The following RTN1 variants were observed in gnomAD, a reference collection of about 807,000 sequenced individuals.
RTN1 encodes reticulon-1.
Under a neutral mutation model 65.5 loss-of-function variants are expected in RTN1, and 25 were observed. That is an observed-to-expected ratio of 0.38 (90% CI 0.28 to 0.53). The LOEUF (loss-of-function observed/expected upper bound fraction) is 0.53, where lower values mean the gene tolerates loss of function less well. Ranked by LOEUF, RTN1 falls within the 20% of genes least tolerant of loss-of-function variation. The pLI is 0.79. For synonymous variants in RTN1, 471 were observed against 447.6 expected (o/e 1.05, Z -0.66); for missense variants, 983 against 1,025.4 (o/e 0.96, Z 0.57).
chr14:59,745,485 A>G (rs1885197653), intron 2 of RTN1, among the ~76,000 whole-genome samples: 1 of 152,126 alleles, frequency 6.6e-6, no homozygotes, highest in Admixed American at 6.5e-5. Flanking sequence ...TACAAAGAAA[A>G]CCTGATAGGA....
intron 1 of RTN1, among the ~76,000 whole-genome samples, chr14:59,754,581 A>C (rs185595136): frequency 6.6e-6 from 1 of 152,170 alleles, no homozygotes; most frequent in Non-Finnish European, 1.5e-5. Flanking sequence ...ATAAGGCAAT[A>C]ATAACCCCCA....
In RTN1 at chr14:59,706,805, T is replaced by A. The variant is rs76961487; in HGVS notation, c.1765+20114A>T. On this transcript the variant is annotated intron_variant, in intron 3 of 8. Transcript: ENST00000267484. Reference sequence around the variant, plus strand: ...TAGGTAAAGAGAAGGGCGCTGGACATCTTAACACTTCTCCCTCCTCTGAAA... The same window carrying A: ...TAGGTAAAGAGAAGGGCGCTGGACAACTTAACACTTCTCCCTCCTCTGAAA... Among the ~76,000 whole-genome samples the A allele has an allele frequency of 5.9e-3, 893 of 152,348 alleles. 8 individuals are homozygous for A. The highest frequency in any genetic ancestry group is 0.018 in the African/African-American group (766 of 41,580).
chr14:59,655,076 A>G (rs1020818339), intron 3 of RTN1, among the ~76,000 whole-genome samples: 2 of 152,230 alleles, frequency 1.3e-5, no homozygotes, highest in African/African-American at 4.8e-5. Flanking sequence ...AGGAATCCAC[A>G]CAAAACGATT....
At chr14:59,605,601 T>C in intron 4 of RTN1, 95 bp from the exon 5 acceptor site, 6 of 1,320,886 alleles carry the variant, frequency 4.5e-6, no homozygotes, top group Non-Finnish European at 6.4e-6. Context: ...CTACTCTCAC[T>C]CTGAGGGTGA....
chr14:59,766,303 C>CT lies in RTN1; in HGVS notation c.242-19823dup, dbSNP rs1566719888. ...CACAAGGTAGTTTTCGAAATAAATG[C>CT]TTACTGAAAAGAGCAGCTGGATAGA... On this transcript the variant is annotated intron_variant, in intron 1 of 8. Coordinates refer to ENST00000267484, the MANE Select transcript of RTN1 (RefSeq NM_021136.3). The surrounding 1 kb of genome is among the most constrained non-coding windows in gnomAD (Gnocchi z 4.4). Among the ~76,000 whole-genome samples the CT allele has an allele frequency of 2.6e-5, 4 of 152,064 alleles. No homozygotes were observed. The highest frequency in any genetic ancestry group is 9.7e-5 in the African/African-American group (4 of 41,402).
intron 1 of RTN1, among the ~76,000 whole-genome samples, chr14:59,764,536 G>T (rs1365623864): frequency 2.0e-5 from 3 of 151,994 alleles, no homozygotes; most frequent in Non-Finnish European, 1.5e-5. Context: ...TGGCCAGGGT[G>T]GTCTCGAACT....
chr14:59,614,045 T>C (rs1350824113), intron 3 of RTN1, among the ~76,000 whole-genome samples: 1 of 152,096 alleles, frequency 6.6e-6, no homozygotes, highest in African/African-American at 2.4e-5. Flanking sequence ...AGCATGCTCT[T>C]GGCTACTTGG....
chr14:59,711,691 A>T (rs1423700803), intron 3 of RTN1, among the ~76,000 whole-genome samples: 1 of 152,222 alleles, frequency 6.6e-6, no homozygotes, highest in Non-Finnish European at 1.5e-5. Context: ...AAAGCCTGTG[A>T]TCTCAAAAAG....
rs1195305861 is a variant in RTN1 at position 59,745,907 on chromosome 14, G to C, written c.816C>G (p.Arg272=). The C allele has an allele frequency of 1.9e-6, 3 of 1,613,968 alleles. No individual in the cohort carries two copies. The African/African-American group carries it at 4.0e-5, about 22-fold the overall frequency. The change falls in exon 2 of 9, where the codon CGC becomes CGG. Residue 272 remains arginine, a synonymous_variant. Coordinates refer to ENST00000267484, the MANE Select transcript of RTN1 (RefSeq NM_021136.3). ...PYIDDLSEEQ[R]RAPQITTPVK... is the part of the protein sequence containing the mutation. ...CAGGGGTGGTGATCTGAGGAGCCCT[G>C]CGCTGTTCTTCAGAGAGATCATCTA...
At chr14:59,720,816 T>C (rs1884631973) in intron 3 of RTN1, among the ~76,000 whole-genome samples, 1 of 152,154 alleles carries the variant, frequency 6.6e-6, no homozygotes, top group Non-Finnish European at 1.5e-5. Context: ...AGTCACACTT[T>C]ATCCAGCAGT....
At chr14:59,618,875 A>C (rs775731735) in intron 3 of RTN1, among the ~76,000 whole-genome samples, 7 of 152,250 alleles carry the variant, frequency 4.6e-5, no homozygotes, top group Non-Finnish European at 8.8e-5. Context: ...CTATTATCTA[A>C]GTAAGCACAG....
At chr14:59,809,191 T>C (rs1247054207) in intron 1 of RTN1, among the ~76,000 whole-genome samples, 2 of 152,080 alleles carry the variant, frequency 1.3e-5, no homozygotes, top group Non-Finnish European at 2.9e-5. Context: ...TCTCCACAAA[T>C]GAACTGATAA....
intron 1 of RTN1, among the ~76,000 whole-genome samples, chr14:59,793,434 G>C (rs145984576): frequency 2.8e-4 from 42 of 152,166 alleles, no homozygotes; most frequent in African/African-American, 9.4e-4. Context: ...CTTAAGTACA[G>C]AAGCACCAGA....
chr14:59,777,913 G>T (rs1212710624), intron 1 of RTN1, among the ~76,000 whole-genome samples: 1 of 151,862 alleles, frequency 6.6e-6, no homozygotes, highest in Non-Finnish European at 1.5e-5. Flanking sequence ...CCAAGTCAGG[G>T]TGGCATGATG....
chr14:59,768,790 T>C (rs1226087666), intron 1 of RTN1, among the ~76,000 whole-genome samples: 2 of 152,228 alleles, frequency 1.3e-5, no homozygotes, highest in Non-Finnish European at 2.9e-5. Context: ...CATTTCTATA[T>C]GCTAAGCACT....
At chr14:59,638,559 T>C (rs1016395694) in intron 3 of RTN1, among the ~76,000 whole-genome samples, 1 of 152,234 alleles carries the variant, frequency 6.6e-6, no homozygotes. Flanking sequence ...TCAATGATCT[T>C]TGGAATAACT....
intron 8 of RTN1, among the ~76,000 whole-genome samples, chr14:59,602,460 T>C (rs1393933055): frequency 6.6e-6 from 1 of 152,126 alleles, no homozygotes; most frequent in East Asian, 1.9e-4. Context: ...GCTATGGGTA[T>C]GTAAAACTGA....
chr14:59,817,052 G>A (rs903736534), intron 1 of RTN1, among the ~76,000 whole-genome samples: 34 of 152,014 alleles, frequency 2.2e-4, no homozygotes, highest in African/African-American at 8.0e-4. Flanking sequence ...GAATAAGAGA[G>A]GGAATCTTAA....
chr14:59,734,343 C>T (rs983126974), intron 2 of RTN1, among the ~76,000 whole-genome samples: 7 of 152,280 alleles, frequency 4.6e-5, no homozygotes, highest in South Asian at 4.1e-4. Context: ...CAAATGACTG[C>T]GAACCTTCCC....
Sources: gnomAD v4.1 joint callset for allele counts (sites outside exome capture counted in the v4.1 genomes callset) on GRCh38, gnomAD v4.1.1 for gene constraint, Gnocchi (gnomAD v3.1) non-coding constraint, MANE v1.5 for transcripts, NCBI Gene and HGNC (gene_info 2026-07-23, HGNC 2026-07-21) for gene names.